The following ANKRD18A variants were observed in gnomAD, a reference collection of about 807,000 sequenced individuals.
The protein encoded by ANKRD18A is ankyrin repeat domain-containing protein 18A.
In ANKRD18A, 72 loss-of-function variants were observed where a neutral mutation model predicts 110.6. That is an observed-to-expected ratio of 0.65 (90% CI 0.54 to 0.79). The LOEUF is 0.79. ANKRD18A is among the 30% of genes least tolerant of loss of function. The probability of loss-of-function intolerance (pLI) is 0.00; values close to 1 mark genes in which losing one functional copy is unlikely to be tolerated. For missense variants in ANKRD18A, 934 were observed against 1,163.3 expected, an observed-to-expected ratio of 0.80 and a Z score of 2.87; for synonymous variants, 305 against 410.3, an observed-to-expected ratio of 0.74 and a Z score of 3.10.
rs1445634878 is a variant in ANKRD18A at position 38,587,984 on chromosome 9, A to T, written c.2117+567T>A. Among the ~76,000 whole-genome samples, 9 of 152,294 alleles carry T rather than the reference A, an allele frequency of 5.9e-5. No individual in the cohort carries two copies. The South Asian group carries it at 1.4e-3, about 25-fold the overall frequency. On this transcript the variant is annotated intron_variant, in intron 11 of 15. Coordinates refer to ENST00000399703, the MANE Select transcript of ANKRD18A (RefSeq NM_147195.4). ...ACACCTGTAATCATAGCTACTCAGG[A>T]GGCTGAGGCAAGAGAATCACTTGAA...
intron 12 of ANKRD18A, among the ~76,000 whole-genome samples, chr9:38,585,756 A>T (rs1824352037): frequency 6.6e-6 from 1 of 152,186 alleles, no homozygotes; most frequent in Non-Finnish European, 1.5e-5. Flanking sequence ...CATGGAATCA[A>T]CCCAGATGTC....
At chr9:38,603,559 C>A (rs1825222603) in intron 6 of ANKRD18A, among the ~76,000 whole-genome samples, 1 of 152,108 alleles carries the variant, frequency 6.6e-6, no homozygotes, top group Non-Finnish European at 1.5e-5. Context: ...GACATGCTAC[C>A]TATGACGGCT....
chr9:38,588,723 A>C, intron 10 of ANKRD18A, 60 bp from the exon 11 acceptor site: 4 of 1,071,616 alleles, frequency 3.7e-6, no homozygotes, highest in Non-Finnish European at 4.9e-6. Context: ...TCTATCTTAA[A>C]AATATTATTT....
intron 15 of ANKRD18A, 93 bp downstream of exon 15, chr9:38,575,383 C>G (rs1486187817): frequency 7.8e-7 from 1 of 1,276,500 alleles, no homozygotes; most frequent in Non-Finnish European, 1.1e-6. Flanking sequence ...ACTTAACATG[C>G]GTAAGTCAAC....
In ANKRD18A at chr9:38,615,906, C is replaced by A. The variant is rs1416778853; in HGVS notation, c.321+24G>T. 11 of 1,536,732 alleles carry A rather than the reference C, an allele frequency of 7.2e-6. No individual in the cohort carries two copies. In the East Asian group the frequency reaches 2.6e-4, roughly 37 times the overall value. Reference sequence around the variant, plus strand: ...GTATTTAAATCAAATCCATTTCATGCTGAAAGAGTTGGCTACTATATACCT... The same window carrying A: ...GTATTTAAATCAAATCCATTTCATGATGAAAGAGTTGGCTACTATATACCT... On this transcript the variant is annotated intron_variant, in intron 2 of 15. Coordinates refer to ENST00000399703, the MANE Select transcript of ANKRD18A (RefSeq NM_147195.4).
In ANKRD18A at chr9:38,596,173, T is replaced by C. The variant is rs1284365198; in HGVS notation, c.1167A>G (p.Gln389=). Residue 389 remains glutamine (Q), a synonymous_variant, in exon 9 of 16, where the codon CAA becomes CAG. Coordinates refer to ENST00000399703, the MANE Select transcript of ANKRD18A (RefSeq NM_147195.4). Reference sequence around the variant, plus strand: ...TCTCAGCTTTCAGATCATTAAGCTGTTGCGAATACCGGGCCACTGTTTTTG... The same window carrying C: ...TCTCAGCTTTCAGATCATTAAGCTGCTGCGAATACCGGGCCACTGTTTTTG... ...MITKTVARYS[Q]QLNDLKAENA... 1 of 1,544,646 alleles carries C rather than the reference T, an allele frequency of 6.5e-7. No homozygotes were observed. Among genetic ancestry groups the C allele is most frequent in the Non-Finnish European group, 8.7e-7 (1 of 1,144,422 alleles).
intron 12 of ANKRD18A, among the ~76,000 whole-genome samples, chr9:38,582,671 C>T (rs1824214161): frequency 6.6e-6 from 1 of 152,176 alleles, no homozygotes; most frequent in Non-Finnish European, 1.5e-5. Flanking sequence ...GGACTCTCAC[C>T]TAATACCATA....
rs1452126854 is a variant in ANKRD18A at position 38,620,274 on chromosome 9, G to A, written c.12C>T (p.Leu4=). The A allele has an allele frequency of 1.3e-6, 2 of 1,550,856 alleles. No individual in the cohort carries two copies. The highest frequency in any genetic ancestry group is 2.7e-5 in the African/African-American group (2 of 72,982). ...GGCCCAGGCGTCTCCCGAAGCTGAA[G>A]AGCTTCCTCATGGTGGCGACTTCTC... MRK[L]FSFGRRLGQA... is the part of the protein sequence containing the mutation. Residue 4 remains leucine, a synonymous_variant, in exon 1 of 16, where the codon CTC becomes CTT. Coordinates refer to ENST00000399703, the MANE Select transcript of ANKRD18A (RefSeq NM_147195.4).
chr9:38,601,831 A>G (rs1206768378), intron 7 of ANKRD18A, among the ~76,000 whole-genome samples: 1 of 151,926 alleles, frequency 6.6e-6, no homozygotes, highest in Non-Finnish European at 1.5e-5. Flanking sequence ...ACTCTATAGA[A>G]AATTTGCCAG....
chr9:38,606,531 A>T (rs1464951038), intron 6 of ANKRD18A, among the ~76,000 whole-genome samples: 1 of 152,222 alleles, frequency 6.6e-6, no homozygotes, highest in African/African-American at 2.4e-5. Flanking sequence ...TTCTAAAAGC[A>T]TAGTATATAA....
chr9:38,611,249 G>A lies in ANKRD18A; in HGVS notation c.568C>T (p.Gln190Ter). 6.5e-7 allele frequency: 1 copy of A among 1,528,796 alleles called. No homozygotes were observed. Among genetic ancestry groups the A allele is most frequent in the African/African-American group, 1.4e-5 (1 of 71,364 alleles). 94.7% of individuals were successfully genotyped at this position (1,528,796 alleles called of 1,614,324 possible). Residue 190 changes from glutamine (Q) to a stop codon, truncating the protein, a stop_gained, in exon 4 of 16, where the codon CAG becomes TAG. Transcript: ENST00000399703. LOFTEE classifies it high-confidence loss of function. ...QHMVEFLLKN[Q>*]ANIHAVDNFK... ...TTGTCAACGGCATGTATATTTGCCT[G>A]GTTCTTCAATAAAAATTCCACCATA...
In ANKRD18A at chr9:38,611,196, A is replaced by G. The variant is rs1417152146; in HGVS notation, c.602+19T>C. The G allele has an allele frequency of 3.9e-6, 6 of 1,523,358 alleles. No individual in the cohort carries two copies. The highest frequency in any genetic ancestry group is 5.3e-6 in the Non-Finnish European group (6 of 1,138,844). The allele number at this position is 1,523,358 out of a possible 1,614,324, so 94.4% of individuals were successfully genotyped here. On this transcript the variant is annotated intron_variant, in intron 4 of 15. Coordinates refer to ENST00000399703, the MANE Select transcript of ANKRD18A (RefSeq NM_147195.4). ...AGGTTTTTAGGAAAAAAGAAAACAA[A>G]AAACAAAAACTATTGCACCTTTTGA...
At chr9:38,566,881 G>A (rs1823496659), downstream of ANKRD18A, 1 of 152,136 alleles carries the variant, frequency 6.6e-6, no homozygotes, top group Admixed American at 6.5e-5. Context: ...CAAGGGGATG[G>A]TGCTGAACCA....
rs1823848004 is a variant in ANKRD18A, at chr9:38,575,552, T to C, written c.2888A>G (p.Tyr963Cys). 16 of 1,551,568 alleles carry C rather than the reference T, an allele frequency of 1.0e-5. No individual in the cohort carries two copies. Among genetic ancestry groups the C allele is most frequent in the African/African-American group, 4.1e-5 (3 of 73,180 alleles). Residue 963 changes from tyrosine to cysteine, a missense_variant, in exon 15 of 16, where the codon TAT (tyrosine) becomes TGT (cysteine). This residue lies in a region of ANKRD18A where 223 missense variants were observed against 226.7 expected (regional missense o/e 0.98). Coordinates refer to ENST00000399703, the MANE Select transcript of ANKRD18A (RefSeq NM_147195.4). ...AATTCTTATGGCCGTTTTGGGAATA[T>C]ATTTTCTGTTGAGTTCTATACTATT... ...NLNSIELNRKYIPKTAIRIPT... is the reference protein window; with the variant it reads ...NLNSIELNRKCIPKTAIRIPT...
At chr9:38,589,406 G>A (rs1824534128) in intron 10 of ANKRD18A, among the ~76,000 whole-genome samples, 1 of 152,240 alleles carries the variant, frequency 6.6e-6, no homozygotes. Context: ...AGACATCTGG[G>A]TTGCTTGGCA....
chr9:38,573,872 G>C (rs1823768030), intron 15 of ANKRD18A, among the ~76,000 whole-genome samples: 1 of 151,268 alleles, frequency 6.6e-6, no homozygotes, highest in African/African-American at 2.4e-5. Context: ...ATATTCTTTA[G>C]TTACTGAAAA....
intron 6 of ANKRD18A, among the ~76,000 whole-genome samples, chr9:38,605,100 T>C (rs1459226399): frequency 1.3e-5 from 2 of 152,232 alleles, no homozygotes; most frequent in African/African-American, 2.4e-5. Flanking sequence ...ACATATGTAA[T>C]AAATAATAAC....
At chr9:38,613,983 T>C (rs923879014) in intron 3 of ANKRD18A, among the ~76,000 whole-genome samples, 5 of 152,198 alleles carry the variant, frequency 3.3e-5, no homozygotes, top group Non-Finnish European at 7.3e-5. Flanking sequence ...GCAAAAAGTG[T>C]TATTCTGTAA....
intron 1 of ANKRD18A, among the ~76,000 whole-genome samples, chr9:38,619,392 T>C (rs1825990801): frequency 6.6e-6 from 1 of 152,212 alleles, no homozygotes; most frequent in African/African-American, 2.4e-5. Context: ...TTCAGTGTTT[T>C]TGGATTTCCT....
Sources: gnomAD v4.1 joint callset for allele counts (sites outside exome capture counted in the v4.1 genomes callset) on GRCh38, gnomAD v4.1.1 for gene constraint, gnomAD v4.1.1 regional missense constraint, MANE v1.5 for transcripts, NCBI Gene and HGNC (gene_info 2026-07-23, HGNC 2026-07-21) for gene names.